RASGRP4: variants seen among roughly 807,000 people sequenced by gnomAD.
RASGRP4 encodes RAS guanyl releasing protein 4.
RASGRP4 carries 52 observed loss-of-function variants against 84.4 expected under a neutral mutation model. The observed-to-expected ratio is 0.62, with a 90% CI of 0.49 to 0.78. RASGRP4 has a LOEUF of 0.78. Among genes scored for constraint, RASGRP4 ranks in the 30% least tolerant of loss-of-function variants. The pLI, the probability that RASGRP4 is intolerant of heterozygous loss-of-function variation, is 0.00. For missense variants in RASGRP4, 760 were observed against 886.9 expected, an observed-to-expected ratio of 0.86 and a Z score of 1.82; for synonymous variants, 356 against 359.1, an observed-to-expected ratio of 0.99 and a Z score of 0.10.
chr19:38,425,962 C>T, intron 1 of RASGRP4, 107 bp downstream of exon 1: 1 of 989,580 alleles, frequency 1.0e-6, no homozygotes, highest in Non-Finnish European at 1.4e-6. Context: ...GCGCCTGATC[C>T]CAAAGAAGTC....
chr19:38,420,787 G>T, intron 4 of RASGRP4, 121 bp downstream of exon 4: 1 of 949,300 alleles, frequency 1.1e-6, no homozygotes, highest in Non-Finnish European at 1.7e-6. Context: ...TGGGATTTTG[G>T]CCTGTGGGGC....
At chr19:38,411,903 G>A (rs1336803656) in intron 13 of RASGRP4, among the ~76,000 whole-genome samples, 1 of 152,140 alleles carries the variant, frequency 6.6e-6, no homozygotes, top group African/African-American at 2.4e-5. Flanking sequence ...AATGAATGTG[G>A]GAAGTAATCC....
rs1237598054 is a variant in RASGRP4, at chr19:38,418,813, C to G, written c.664-249G>C. On this transcript the variant is annotated intron_variant, in intron 6 of 16. Transcript: ENST00000615439. The surrounding 1 kb of genome is among the most constrained non-coding windows in gnomAD (Gnocchi z 4.6). Reference sequence around the variant, plus strand: ...AGTAATCATATTAAATAATTTAATCCTCATAACTCTATGAGGTGAGTATCA... The same window carrying G: ...AGTAATCATATTAAATAATTTAATCGTCATAACTCTATGAGGTGAGTATCA... 6.6e-6 allele frequency among the ~76,000 whole-genome samples: 1 copy of G among 152,136 alleles called. No homozygotes were observed. Among genetic ancestry groups the G allele is most frequent in the Admixed American group, 6.5e-5 (1 of 15,272 alleles).
chr19:38,409,992 G>T lies in RASGRP4; in HGVS notation c.*48C>A. On this transcript the variant is annotated 3_prime_UTR_variant, in exon 17 of 17. Transcript: ENST00000615439. ...TGCCAGAGTCTGACGGCAGGACTCAGGACTGACTGGGGGAAGGGAGTGAGG... is the reference window on the plus strand; with the variant it reads ...TGCCAGAGTCTGACGGCAGGACTCATGACTGACTGGGGGAAGGGAGTGAGG... 1 of 1,534,646 alleles carries T rather than the reference G, an allele frequency of 6.5e-7. No homozygotes were observed. Among genetic ancestry groups the T allele is most frequent in the Non-Finnish European group, 8.9e-7 (1 of 1,118,474 alleles).
chr19:38,424,276 C>T (rs1971893377), intron 1 of RASGRP4, among the ~76,000 whole-genome samples: 1 of 151,974 alleles, frequency 6.6e-6, no homozygotes, highest in African/African-American at 2.4e-5. Context: ...CGTGCCACCA[C>T]GCCGAGCTAA....
At chr19:38,421,048 A>ACTCTGCC (rs1971724476) in intron 3 of RASGRP4, 47 bp downstream of exon 3, 1 of 1,606,734 alleles carries the variant, frequency 6.2e-7, no homozygotes, top group Non-Finnish European at 8.5e-7. Flanking sequence ...GGTTCTCACG[A>ACTCTGCC]CTCTGCCCTC....
At chr19:38,420,067 G>A in intron 5 of RASGRP4, 54 bp from the exon 6 acceptor site, 1 of 1,608,746 alleles carries the variant, frequency 6.2e-7, no homozygotes, top group Non-Finnish European at 8.5e-7. Flanking sequence ...AGGGCTTGGG[G>A]ATATAGAGGG....
chr19:38,418,670 G>A lies in RASGRP4; in HGVS notation c.664-106C>T, dbSNP rs186855791. On this transcript the variant is annotated intron_variant, in intron 6 of 16. Coordinates refer to ENST00000615439, the MANE Select transcript of RASGRP4 (RefSeq NM_170604.3). The surrounding 1 kb of genome is among the most constrained non-coding windows in gnomAD (Gnocchi z 4.6). ...TCTGATGTCCTAGCCTGGTCTAGCC[G>A]GAGTGACCTTTGTCATCTGTCCCCC... is the stretch of plus-strand genomic sequence containing the variant. 2.6e-4 allele frequency: 296 copies of A among 1,148,392 alleles called. No individual in the cohort carries two copies. The highest frequency in any genetic ancestry group is 2.6e-4 in the Non-Finnish European group (218 of 845,010). 71.1% of individuals were successfully genotyped at this position (1,148,392 alleles called of 1,614,324 possible). A position where few individuals can be genotyped will look rare whatever the true frequency, so the allele number is the denominator to read the frequency against.
chr19:38,422,860 T>C (rs1971819794), intron 1 of RASGRP4, among the ~76,000 whole-genome samples: 1 of 151,926 alleles, frequency 6.6e-6, no homozygotes, highest in African/African-American at 2.4e-5. Flanking sequence ...CCCCACCCCC[T>C]TCCACAAAAC....
intron 9 of RASGRP4, among the ~76,000 whole-genome samples, chr19:38,414,381 CA>C (rs1971405638): frequency 6.6e-6 from 1 of 150,930 alleles, no homozygotes; most frequent in African/African-American, 2.5e-5. Flanking sequence ...TGCAATGGCG[CA>C]ATGGCGCAAT....
chr19:38,419,717 A>T, intron 6 of RASGRP4, 143 bp downstream of exon 6: 1 of 860,592 alleles, frequency 1.2e-6, no homozygotes, highest in Non-Finnish European at 1.8e-6. Context: ...TGGACCTTCT[A>T]GCATACAGGT....
chr19:38,421,927 C>T (rs777986413), intron 2 of RASGRP4, 42 bp downstream of exon 2: 25 of 1,567,994 alleles, frequency 1.6e-5, no homozygotes, highest in African/African-American at 9.5e-5. Context: ...GTGCTGAGCC[C>T]GAGGTTAGGG....
chr19:38,425,212 A>G (rs1398416214), intron 1 of RASGRP4, among the ~76,000 whole-genome samples: 2 of 150,748 alleles, frequency 1.3e-5, no homozygotes, highest in African/African-American at 4.9e-5. Context: ...AAAAAAAACC[A>G]AACACTTTAA....
chr19:38,423,056 T>C (rs1971827759), intron 1 of RASGRP4, among the ~76,000 whole-genome samples: 1 of 151,952 alleles, frequency 6.6e-6, no homozygotes, highest in African/African-American at 2.4e-5. Context: ...AGACTTCCTT[T>C]TGGCAGATCC....
rs1971621256 is a variant in RASGRP4, at chr19:38,418,948, G to C, written c.664-384C>G. 6.6e-6 allele frequency among the ~76,000 whole-genome samples: 1 copy of C among 152,152 alleles called. No individual in the cohort carries two copies. The highest frequency in any genetic ancestry group is 1.5e-5 in the Non-Finnish European group (1 of 68,036). ...TCTATATGCTCTTAACTGTACACCT[G>C]ACTGGTATACAGTAAGCAAAGGGAA... On this transcript the variant is annotated intron_variant, in intron 6 of 16. Coordinates refer to ENST00000615439, the MANE Select transcript of RASGRP4 (RefSeq NM_170604.3). This position sits in a 1 kb window ranked among gnomAD's most constrained non-coding sequence, Gnocchi z 4.6.
At chr19:38,410,189 C>G in intron 16 of RASGRP4, 93 bp from the exon 17 acceptor site, 4 of 961,124 alleles carry the variant, frequency 4.2e-6, no homozygotes, top group African/African-American at 1.6e-5. Context: ...ACTTCCCTGC[C>G]CAGACTGGTA....
chr19:38,415,136 G>C lies in RASGRP4; in HGVS notation c.955-13C>G. On this transcript the variant is annotated splice_polypyrimidine_tract_variant and intron_variant, in intron 8 of 16. Transcript: ENST00000615439. ...GCTCCAGGAGGGCCTGGGGAGGAGGGACATGGGATTGGGGCGTTATCAGGA... is the reference window on the plus strand; with the variant it reads ...GCTCCAGGAGGGCCTGGGGAGGAGGCACATGGGATTGGGGCGTTATCAGGA... The C allele has an allele frequency of 6.3e-7, 1 of 1,578,488 alleles. No homozygotes were observed. Among genetic ancestry groups the C allele is most frequent in the South Asian group, 1.1e-5 (1 of 87,040 alleles).
At position 38,419,866 on chromosome 19, in the gene RASGRP4, A is replaced by G; in HGVS notation, c.657T>C (p.Ala219=). The change falls in exon 6 of 17, where the codon GCT becomes GCC. Residue 219 remains alanine, a synonymous_variant. Coordinates refer to ENST00000615439, the MANE Select transcript of RASGRP4 (RefSeq NM_170604.3). ...GATGGGAGGGGGTCCTCACCGTGATAGCCTGGAAGGACCGGAACTCCAGGT... is the reference window on the plus strand; with the variant it reads ...GATGGGAGGGGGTCCTCACCGTGATGGCCTGGAAGGACCGGAACTCCAGGT... ...LTYLEFRSFQ[A]ITPQDLRSYV... 1 of 1,595,948 alleles carries G rather than the reference A, an allele frequency of 6.3e-7. No homozygotes were observed. The highest frequency in any genetic ancestry group is 8.5e-7 in the Non-Finnish European group (1 of 1,171,134).
At chr19:38,424,505 G>C (rs1971902606) in intron 1 of RASGRP4, among the ~76,000 whole-genome samples, 1 of 151,744 alleles carries the variant, frequency 6.6e-6, no homozygotes, top group South Asian at 2.1e-4. Flanking sequence ...TTGTAACCTT[G>C]AACTCCTGGA....
Sources: gnomAD v4.1 joint callset for allele counts (sites outside exome capture counted in the v4.1 genomes callset) on GRCh38, gnomAD v4.1.1 for gene constraint, Gnocchi (gnomAD v3.1) non-coding constraint, MANE v1.5 for transcripts, NCBI Gene and HGNC (gene_info 2026-07-23, HGNC 2026-07-21) for gene names.